Variants in LGSN observed in about 807,000 individuals in gnomAD.
The protein encoded by LGSN is lengsin.
A neutral mutation model predicts 19.5 loss-of-function variants in LGSN; 21 were observed. The ratio of observed to expected loss-of-function variants is 1.07; its 90% confidence interval spans 0.76 to 1.55. The LOEUF (loss-of-function observed/expected upper bound fraction) is 1.55. Ranked by LOEUF, LGSN falls within the 40% of genes most tolerant of loss-of-function variation. The pLI, the probability that LGSN is intolerant of heterozygous loss-of-function variation, is 0.00. For synonymous variants in LGSN, 257 were observed against 215.6 expected, an observed-to-expected ratio of 1.19 and a Z score of -1.68; for missense variants, 673 against 608.5, an observed-to-expected ratio of 1.11 and a Z score of -1.12.
At chr6:63,508,926 G>GAA in the LGSN span, among the ~76,000 whole-genome samples, 2 of 117,858 alleles carry the variant, frequency 1.7e-5, no homozygotes, top group Non-Finnish European at 3.7e-5. Context: ...TCTCAAAAAA[G>GAA]AAAAAAAAAA....
At chr6:63,296,561 A>G (rs779565293) in intron 1 of LGSN, among the ~76,000 whole-genome samples, 103 of 151,948 alleles carry the variant, frequency 6.8e-4, no homozygotes, top group Non-Finnish European at 1.3e-3. Context: ...TTAGCCAGGT[A>G]TATAATTATC....
At chr6:63,297,977 C>T (rs1457186194) in intron 1 of LGSN, among the ~76,000 whole-genome samples, 2 of 152,202 alleles carry the variant, frequency 1.3e-5, no homozygotes, top group Non-Finnish European at 2.9e-5. Flanking sequence ...CATCACTTTT[C>T]TTTTCCTGTC....
At chr6:63,534,253 C>T in the LGSN span, among the ~76,000 whole-genome samples, 1 of 152,108 alleles carries the variant, frequency 6.6e-6, no homozygotes, top group Non-Finnish European at 1.5e-5. Flanking sequence ...CATGGTTTAA[C>T]AGTGTAACTG....
At chr6:63,461,971 C>T in the LGSN span, among the ~76,000 whole-genome samples, 6 of 151,976 alleles carry the variant, frequency 3.9e-5, no homozygotes, top group Admixed American at 6.6e-5. Flanking sequence ...CATTTTTTTT[C>T]TCCTGTATGC....
the LGSN span, among the ~76,000 whole-genome samples, chr6:63,453,451 C>T: frequency 1.3e-5 from 2 of 152,028 alleles, no homozygotes; most frequent in South Asian, 2.1e-4. Flanking sequence ...TATTTAGGAG[C>T]TCTGTTTTTA....
chr6:63,322,970 G>A (rs372247654), upstream of LGSN, among the ~76,000 whole-genome samples: 8 of 152,142 alleles, frequency 5.3e-5, no homozygotes, highest in South Asian at 2.1e-4. Context: ...AGAAAACAGC[G>A]TAACTCCCTG....
At chr6:63,508,253 G>T in the LGSN span, among the ~76,000 whole-genome samples, 1 of 152,118 alleles carries the variant, frequency 6.6e-6, no homozygotes, top group Non-Finnish European at 1.5e-5. Flanking sequence ...CCATTCTTAG[G>T]CTCATTTTCC....
chr6:63,354,802 A>G, the LGSN span, among the ~76,000 whole-genome samples: 1 of 152,210 alleles, frequency 6.6e-6, no homozygotes, highest in African/African-American at 2.4e-5. Flanking sequence ...TTTAGCCATA[A>G]AAAAGAATGA....
the LGSN span, among the ~76,000 whole-genome samples, chr6:63,476,689 G>A: frequency 6.6e-6 from 1 of 152,322 alleles, no homozygotes; most frequent in Admixed American, 6.5e-5. Context: ...AGTCTAAAGA[G>A]CACAGGAAGC....
At chr6:63,304,767 C>T (rs1417044737) in intron 1 of LGSN, among the ~76,000 whole-genome samples, 1 of 152,118 alleles carries the variant, frequency 6.6e-6, no homozygotes, top group African/African-American at 2.4e-5. Flanking sequence ...TATATTCTCT[C>T]CAAAGTTTTA....
chr6:63,342,316 A>G, the LGSN span, among the ~76,000 whole-genome samples: 1 of 152,246 alleles, frequency 6.6e-6, no homozygotes, highest in Non-Finnish European at 1.5e-5. Context: ...TTATGCAATT[A>G]TAGAATTAGT....
At chr6:63,431,739 T>G in the LGSN span, among the ~76,000 whole-genome samples, 1 of 152,158 alleles carries the variant, frequency 6.6e-6, no homozygotes, top group Non-Finnish European at 1.5e-5. Context: ...TCTTGGATTC[T>G]GCAACAAACT....
the LGSN span, among the ~76,000 whole-genome samples, chr6:63,412,717 A>AGGAAGGAC: frequency 1.2e-5 from 1 of 86,686 alleles, no homozygotes; most frequent in African/African-American, 6.3e-5. Context: ...GAGGGAAGGA[A>AGGAAGGAC]GGAAAGAAAG....
chr6:63,524,216 C>T, the LGSN span, among the ~76,000 whole-genome samples: 2 of 152,076 alleles, frequency 1.3e-5, no homozygotes, highest in Admixed American at 1.3e-4. Context: ...AACTCCTGGC[C>T]TCAAATAATC....
chr6:63,504,399 G>A, the LGSN span, among the ~76,000 whole-genome samples: 5 of 152,100 alleles, frequency 3.3e-5, no homozygotes, highest in African/African-American at 4.8e-5. Context: ...CCACCACCAC[G>A]CCCAGCTAAT....
chr6:63,389,955 G>A, the LGSN span, among the ~76,000 whole-genome samples: 1 of 151,674 alleles, frequency 6.6e-6, no homozygotes, highest in Non-Finnish European at 1.5e-5. Flanking sequence ...AAAATGGTGA[G>A]AGAAAATTTT....
the LGSN span, among the ~76,000 whole-genome samples, chr6:63,358,009 A>T: frequency 3.5e-4 from 54 of 152,218 alleles, no homozygotes; most frequent in African/African-American, 1.2e-3. Flanking sequence ...TAATTTTTGT[A>T]TAAGGTGTAA....
At chr6:63,564,542 T>C in the LGSN span, among the ~76,000 whole-genome samples, 1 of 152,190 alleles carries the variant, frequency 6.6e-6, no homozygotes, top group African/African-American at 2.4e-5. Context: ...GCTGCTTAGG[T>C]CACTGTCTGT....
At chr6:63,368,008 T>C in the LGSN span, among the ~76,000 whole-genome samples, 2 of 150,704 alleles carry the variant, frequency 1.3e-5, no homozygotes, top group Non-Finnish European at 2.9e-5. Context: ...AGTTAAGGGG[T>C]ACAGCACACC....
Sources: allele counts gnomAD v4.1 joint callset (sites outside exome capture counted in the v4.1 genomes callset), GRCh38; gene constraint gnomAD v4.1.1; transcripts MANE v1.5; gene names NCBI Gene and HGNC (gene_info 2026-07-23, HGNC 2026-07-21).